The following SIMC1 variants were observed in gnomAD, a reference collection of about 807,000 sequenced individuals.
SIMC1 encodes the protein SUMO interacting motifs containing 1.
A neutral mutation model predicts 82.3 loss-of-function variants in SIMC1; 55 were observed. The observed-to-expected ratio is 0.67, with a 90% CI of 0.54 to 0.84. The LOEUF (loss-of-function observed/expected upper bound fraction) is 0.84. SIMC1 is among the 40% of genes least tolerant of loss of function. SIMC1 has a pLI of 0.00. For synonymous variants in SIMC1, 353 were observed against 426.3 expected, an observed-to-expected ratio of 0.83 and a Z score of 2.12; for missense variants, 915 against 1,107.2, an observed-to-expected ratio of 0.83 and a Z score of 2.46.
chr5:176,247,077 A>G (rs1761475723), intron 1 of SIMC1, among the ~76,000 whole-genome samples: 1 of 152,098 alleles, frequency 6.6e-6, no homozygotes, highest in Non-Finnish European at 1.5e-5. Flanking sequence ...ATACATGTGC[A>G]TGTGTCTTTA....
At position 176,313,422 on chromosome 5, in the gene SIMC1, C is replaced by T. The variant is rs182956735; in HGVS notation, c.1735-269C>T. The T allele has an allele frequency of 4.5e-6, 7 of 1,547,516 alleles. No individual in the cohort carries two copies. In the East Asian group the frequency reaches 1.7e-4, roughly 38 times the overall value. On this transcript the variant is annotated intron_variant, in intron 4 of 9. Transcript: ENST00000429602. ...GGTGTTAGAAAATTATAATTATCTGCAGATGCCTAGATCCTTTGAACAAGT... is the reference window on the plus strand; with the variant it reads ...GGTGTTAGAAAATTATAATTATCTGTAGATGCCTAGATCCTTTGAACAAGT...
chr5:176,250,856 C>G (rs1761626935), intron 1 of SIMC1, among the ~76,000 whole-genome samples: 1 of 152,084 alleles, frequency 6.6e-6, no homozygotes, highest in Non-Finnish European at 1.5e-5. Context: ...CTATGTGTGT[C>G]TTTGCATTAG....
At chr5:176,305,140 G>GGGGA (rs1177657995) in intron 4 of SIMC1, among the ~76,000 whole-genome samples, 1 of 98,956 alleles carries the variant, frequency 1.0e-5, no homozygotes, top group South Asian at 3.4e-4. Flanking sequence ...TCCAGGAGGG[G>GGGGA]GGGGGGGTCA....
At chr5:176,302,186 A>G (rs1338635109) in intron 4 of SIMC1, among the ~76,000 whole-genome samples, 4 of 152,208 alleles carry the variant, frequency 2.6e-5, no homozygotes, top group Non-Finnish European at 5.9e-5. Context: ...AGTTGGTTGA[A>G]TCCATGGATG....
chr5:176,251,232 C>T (rs1278388579), intron 1 of SIMC1, among the ~76,000 whole-genome samples: 1 of 152,156 alleles, frequency 6.6e-6, no homozygotes, highest in African/African-American at 2.4e-5. Context: ...TGATGGCACA[C>T]TCCTGTAGTC....
chr5:176,262,195 TCACC>T (rs1424101107), intron 1 of SIMC1, among the ~76,000 whole-genome samples: 2 of 150,074 alleles, frequency 1.3e-5, no homozygotes, highest in Non-Finnish European at 3.0e-5. Context: ...TTAATGCAAT[TCACC>T]ACATCAGTAG....
At chr5:176,246,905 C>T (rs1212224978) in intron 1 of SIMC1, among the ~76,000 whole-genome samples, 1 of 152,008 alleles carries the variant, frequency 6.6e-6, no homozygotes, top group African/African-American at 2.4e-5. Flanking sequence ...TGATGGTTTC[C>T]AGCTTCATCC....
chr5:176,246,968 C>T (rs1011565461), intron 1 of SIMC1, among the ~76,000 whole-genome samples: 4 of 152,068 alleles, frequency 2.6e-5, no homozygotes, highest in African/African-American at 9.7e-5. Context: ...CATAGTATTC[C>T]ATGGTGTATA....
At chr5:176,331,559 C>T (rs1397679475) in intron 7 of SIMC1, among the ~76,000 whole-genome samples, 1 of 151,346 alleles carries the variant, frequency 6.6e-6, no homozygotes, top group Non-Finnish European at 1.5e-5. Context: ...AAGTGATCCA[C>T]CCACCTTGGC....
intron 4 of SIMC1, among the ~76,000 whole-genome samples, chr5:176,298,851 A>G (rs746253824): frequency 6.6e-6 from 1 of 152,176 alleles, no homozygotes; most frequent in East Asian, 1.9e-4. Flanking sequence ...AAATCAAAGC[A>G]TGTCACTACA....
intron 4 of SIMC1, among the ~76,000 whole-genome samples, chr5:176,306,843 C>G (rs543659592): frequency 3.5e-4 from 53 of 151,758 alleles, no homozygotes; most frequent in African/African-American, 1.2e-3. Flanking sequence ...TGCTGACCTT[C>G]CCTCCACTGT....
chr5:176,324,552 T>TG, intron 6 of SIMC1, 77 bp from the exon 7 acceptor site: 2 of 1,491,026 alleles, frequency 1.3e-6, no homozygotes, highest in Non-Finnish European at 1.8e-6. Flanking sequence ...TGTACACTGG[T>TG]GGGGACCTCC....
At chr5:176,304,664 G>A (rs1325094068) in intron 4 of SIMC1, among the ~76,000 whole-genome samples, 1 of 146,842 alleles carries the variant, frequency 6.8e-6, no homozygotes, top group Non-Finnish European at 1.5e-5. Context: ...TGGGATGTGA[G>A]GAGCCCCTCT....
At chr5:176,257,589 G>A (rs1581222553) in intron 1 of SIMC1, among the ~76,000 whole-genome samples, 1 of 152,188 alleles carries the variant, frequency 6.6e-6, no homozygotes, top group Non-Finnish European at 1.5e-5. Context: ...ACCAAGCCAT[G>A]AGGGATATGC....
At chr5:176,325,887 C>A (rs1765374413) in intron 7 of SIMC1, among the ~76,000 whole-genome samples, 1 of 152,000 alleles carries the variant, frequency 6.6e-6, no homozygotes, top group African/African-American at 2.4e-5. Context: ...AGAGTTGGAC[C>A]TATAGAATGA....
In SIMC1 at chr5:176,323,991, A is replaced by G. The variant is rs1224705670; in HGVS notation, c.2043-638A>G. ...CGACAGAGCTAGACTCCATCTCAAA[A>G]AAAAAAAAAAAAAAAAAAAAAAACA... On this transcript the variant is annotated intron_variant, in intron 6 of 9. Coordinates refer to ENST00000429602, the MANE Select transcript of SIMC1 (RefSeq NM_001308195.2). Among the ~76,000 whole-genome samples, 3 of 150,360 alleles carry G rather than the reference A, an allele frequency of 2.0e-5. No individual in the cohort carries two copies. The East Asian group carries it at 5.9e-4, about 29-fold the overall frequency.
intron 4 of SIMC1, among the ~76,000 whole-genome samples, chr5:176,303,224 C>T (rs908895809): frequency 8.1e-5 from 12 of 148,150 alleles, no homozygotes; most frequent in African/African-American, 2.0e-4. Context: ...GCTGAGATCA[C>T]GCCACTGCAT....
intron 1 of SIMC1, among the ~76,000 whole-genome samples, chr5:176,281,403 C>T (rs1763000892): frequency 6.6e-6 from 1 of 151,932 alleles, no homozygotes; most frequent in Admixed American, 6.6e-5. Flanking sequence ...GTAGTTTGAT[C>T]GTCTGAAACC....
intron 1 of SIMC1, among the ~76,000 whole-genome samples, chr5:176,242,271 GA>G (rs938207430): frequency 4.6e-5 from 7 of 151,698 alleles, no homozygotes; most frequent in Admixed American, 2.6e-4. Flanking sequence ...AAATTAAAAA[GA>G]AAAAAATAAT....
Sources: gnomAD v4.1 joint callset for allele counts (sites outside exome capture counted in the v4.1 genomes callset) on GRCh38, gnomAD v4.1.1 for gene constraint, MANE v1.5 for transcripts, NCBI Gene and HGNC (gene_info 2026-07-23, HGNC 2026-07-21) for gene names.